The following SDK1 variants were observed in gnomAD, a reference collection of about 807,000 sequenced individuals.
SDK1 encodes the protein protein sidekick-1.
SDK1 carries 157 observed loss-of-function variants against 245.5 expected under a neutral mutation model. The ratio of observed to expected loss-of-function variants is 0.64; its 90% CI spans 0.56 to 0.73. The LOEUF (loss-of-function observed/expected upper bound fraction) is 0.73, where lower values mean the gene tolerates loss of function less well. Ranked by LOEUF, SDK1 falls within the 30% of genes least tolerant of loss-of-function variation. SDK1 has a pLI of 0.00. For missense variants in SDK1, 3,583 were observed against 3,002.3 expected, an observed-to-expected ratio of 1.19 and a Z score of -4.52; for synonymous variants, 1,647 against 1,278.5, an observed-to-expected ratio of 1.29 and a Z score of -6.15.
chr7:4,178,729 G>A (rs1382797377), intron 35 of SDK1, 143 bp downstream of exon 35: 7 of 617,868 alleles, frequency 1.1e-5, no homozygotes, highest in South Asian at 5.7e-5. Context: ...AGGTCTCCAC[G>A]CCACTGGCAG....
At chr7:4,106,921 A>G (rs1782961632) in intron 22 of SDK1, among the ~76,000 whole-genome samples, 1 of 151,804 alleles carries the variant, frequency 6.6e-6, no homozygotes, top group African/African-American at 2.4e-5. Context: ...GGGAGCCCAC[A>G]GGGTCAGGAA....
At chr7:3,388,320 C>T (rs918166000) in intron 1 of SDK1, among the ~76,000 whole-genome samples, 6 of 150,112 alleles carry the variant, frequency 4.0e-5, no homozygotes, top group Admixed American at 2.0e-4. Flanking sequence ...GGAATCTCAT[C>T]TGTCAAACGC....
rs60760676 is a variant in SDK1 at position 3,672,759 on chromosome 7, T to TTATA, written c.713+30687_713+30690dup. On this transcript the variant is annotated intron_variant, in intron 4 of 44. Coordinates refer to ENST00000404826, the MANE Select transcript of SDK1 (RefSeq NM_152744.4). The stretch of plus-strand genomic sequence containing the variant: ...ATATATATTTTTATAATATATAATT[T>TTATA]TATATATATATATATATATATATAT... Among the ~76,000 whole-genome samples, 43 of 50,746 alleles carry TTATA rather than the reference T, an allele frequency of 8.5e-4. 3 individuals are homozygous for TTATA. Among genetic ancestry groups the TTATA allele is most frequent in the East Asian group, 3.8e-3 (6 of 1,594 alleles). The allele number at this position is 50,746 out of a possible 152,430, so 33.3% of individuals were successfully genotyped here.
chr7:4,051,799 C>T lies in SDK1; in HGVS notation c.2880C>T (p.Ser960=), dbSNP rs1348037583. The stretch of plus-strand genomic sequence containing the variant: ...CCACCCCTGGGGACGGGCCTCCCAG[C>T]ACACCTCAGCTGGTCTGGACTCAGG... ...CFTTPGDGPP[S]TPQLVWTQED... Residue 960 remains serine, a synonymous_variant, in exon 19 of 45, where the codon AGC becomes AGT. Transcript: ENST00000404826. 6 of 1,613,462 alleles carry T rather than the reference C, an allele frequency of 3.7e-6. No homozygotes were observed. The South Asian group carries it at 4.4e-5, about 12-fold the overall frequency.
At chr7:3,928,935 G>A (rs945416222) in intron 5 of SDK1, among the ~76,000 whole-genome samples, 5 of 152,218 alleles carry the variant, frequency 3.3e-5, no homozygotes, top group African/African-American at 1.2e-4. Flanking sequence ...CGGCTGAACT[G>A]CAGCACAGCC....
At chr7:3,626,387 T>C (rs1420417290) in intron 2 of SDK1, among the ~76,000 whole-genome samples, 1 of 152,262 alleles carries the variant, frequency 6.6e-6, no homozygotes, top group Admixed American at 6.5e-5. Context: ...ACAAGGACTT[T>C]ATTCAAGAGA....
At chr7:3,620,048 C>T (rs1781887802) in intron 2 of SDK1, among the ~76,000 whole-genome samples, 2 of 152,200 alleles carry the variant, frequency 1.3e-5, no homozygotes, top group South Asian at 4.1e-4. Flanking sequence ...ATCAGCAAAT[C>T]AGCAAAATCA....
chr7:4,204,888 C>A (rs766027548), intron 35 of SDK1, among the ~76,000 whole-genome samples: 3 of 84,404 alleles, frequency 3.6e-5, no homozygotes, highest in Non-Finnish European at 6.9e-5. Context: ...TAGTGTGAAG[C>A]TGGCATGGGG....
At chr7:3,781,766 G>T (rs1300684693) in intron 4 of SDK1, among the ~76,000 whole-genome samples, 1 of 152,100 alleles carries the variant, frequency 6.6e-6, no homozygotes, top group Non-Finnish European at 1.5e-5. Context: ...AAATACAGTG[G>T]CTGAGTTGAA....
chr7:4,187,733 G>A lies in SDK1; in HGVS notation c.5098+9147G>A, dbSNP rs995269681. On this transcript the variant is annotated intron_variant, in intron 35 of 44. Coordinates refer to ENST00000404826, the MANE Select transcript of SDK1 (RefSeq NM_152744.4). ...GCAGCACCAGTCCAAAGGTGGTTTG[G>A]GGTTCTGGGAAGGGAACACAAGGGG... Among the ~76,000 whole-genome samples, 3 of 152,216 alleles carry A rather than the reference G, an allele frequency of 2.0e-5. No individual in the cohort carries two copies. The East Asian group carries it at 5.8e-4, about 29-fold the overall frequency.
chr7:4,218,927 A>G (rs2128231085), intron 38 of SDK1, among the ~76,000 whole-genome samples: 1 of 152,240 alleles, frequency 6.6e-6, no homozygotes, highest in Non-Finnish European at 1.5e-5. Context: ...AAACTTGTTT[A>G]ACCAAAGAAC....
intron 1 of SDK1, among the ~76,000 whole-genome samples, chr7:3,379,260 T>C (rs527769458): frequency 6.6e-6 from 1 of 152,292 alleles, no homozygotes; most frequent in East Asian, 1.9e-4. Flanking sequence ...ATGTATGGTC[T>C]TGTTGGGGAG....
chr7:4,072,190 C>T (rs1229792221), intron 20 of SDK1, among the ~76,000 whole-genome samples: 1 of 152,216 alleles, frequency 6.6e-6, no homozygotes, highest in African/African-American at 2.4e-5. Flanking sequence ...GACTTCGAAG[C>T]TCGAGCTTTC....
At chr7:4,166,738 A>C (rs1781523266) in intron 32 of SDK1, among the ~76,000 whole-genome samples, 1 of 152,284 alleles carries the variant, frequency 6.6e-6, no homozygotes, top group Admixed American at 6.5e-5. Flanking sequence ...GGATTTGGGC[A>C]CCTGCTCTGC....
chr7:3,518,720 A>T (rs1007386993), intron 1 of SDK1, among the ~76,000 whole-genome samples: 1 of 152,134 alleles, frequency 6.6e-6, no homozygotes, highest in African/African-American at 2.4e-5. Context: ...ACTCTTACAC[A>T]CTATGCAGGA....
intron 19 of SDK1, among the ~76,000 whole-genome samples, chr7:4,053,933 T>A (rs1583960985): frequency 6.6e-6 from 1 of 152,040 alleles, no homozygotes; most frequent in Non-Finnish European, 1.5e-5. Context: ...TGGTGGTGGT[T>A]TTTTTTGTTG....
intron 7 of SDK1, among the ~76,000 whole-genome samples, chr7:3,955,142 C>A (rs537092119): frequency 6.6e-6 from 1 of 152,146 alleles, no homozygotes; most frequent in Non-Finnish European, 1.5e-5. Context: ...GAAACTCGGA[C>A]GGCGAGTTTT....
At chr7:4,072,043 A>G (rs1030617535) in intron 20 of SDK1, among the ~76,000 whole-genome samples, 1 of 152,266 alleles carries the variant, frequency 6.6e-6, no homozygotes, top group African/African-American at 2.4e-5. Context: ...TTTCACGGCT[A>G]AGCAGTGGTT....
Position 4,114,045 on chromosome 7 carries a change from G to A in SDK1, c.3594G>A (p.Pro1198=), listed in dbSNP as rs775204533. ...TCCTCGTTCCTTCCTAGCCCCTGCC[G>A]GATTCTCAGTACAACGGGAACCCCG... ...TSLRLRWVPL[P]DSQYNGNPES... is the part of the protein sequence containing the mutation. Residue 1198 remains proline (P), a synonymous_variant, in exon 25 of 45, where the codon CCG becomes CCA. Coordinates refer to ENST00000404826, the MANE Select transcript of SDK1 (RefSeq NM_152744.4). 2.1e-5 allele frequency: 34 copies of A among 1,613,966 alleles called. No homozygotes were observed. The highest frequency in any genetic ancestry group is 1.4e-4 in the South Asian group (13 of 91,070).
Sources: allele counts gnomAD v4.1 joint callset (sites outside exome capture counted in the v4.1 genomes callset), GRCh38; gene constraint gnomAD v4.1.1; transcripts MANE v1.5; gene names NCBI Gene and HGNC (gene_info 2026-07-23, HGNC 2026-07-21).